Variants in CLDN10 observed in about 807,000 individuals in gnomAD.
The protein encoded by CLDN10 is claudin 10, also known as claudin-10.
CLDN10 carries 15 observed loss-of-function variants against 22.9 expected under a neutral mutation model. The ratio of observed to expected loss-of-function variants is 0.65; its 90% confidence interval spans 0.44 to 1.01. The LOEUF (loss-of-function observed/expected upper bound fraction) is 1.01, where lower values mean the gene tolerates loss of function less well. CLDN10 is among the 50% of genes least tolerant of loss of function. The pLI is 0.00. For missense variants in CLDN10, 247 were observed against 287.8 expected (o/e 0.86, Z 1.03); for synonymous variants, 114 against 111.4 (o/e 1.02, Z -0.15).
Position 95,521,750 on chromosome 13 carries a change from G to A in CLDN10, c.215-38382G>A, listed in dbSNP as rs377729648. 4.6e-5 allele frequency among the ~76,000 whole-genome samples: 7 copies of A among 151,860 alleles called. No homozygotes were observed. The East Asian group carries it at 1.2e-3, about 25-fold the overall frequency. On this transcript the variant is annotated intron_variant, in intron 1 of 4. Coordinates refer to the CLDN10 transcript ENST00000376873. ...GATGTTATTTCTTCTTTAAATATTT[G>A]GTAGTTCTTACCAGTAAACCCATCT...
intron 1 of CLDN10, among the ~76,000 whole-genome samples, chr13:95,547,380 G>T (rs866447148): frequency 6.6e-6 from 1 of 151,962 alleles, no homozygotes; most frequent in African/African-American, 2.4e-5. Context: ...TTTGAGATTT[G>T]CAATACACTT....
chr13:95,552,137 A>G (rs181248107), upstream of CLDN10, among the ~76,000 whole-genome samples: 188 of 152,386 alleles, frequency 1.2e-3, no homozygotes, highest in Middle Eastern at 6.8e-3. Flanking sequence ...CACCAGGCCA[A>G]AAAGAACTGC....
At chr13:95,519,593 T>A (rs2043204560) in intron 1 of CLDN10, among the ~76,000 whole-genome samples, 1 of 152,170 alleles carries the variant, frequency 6.6e-6, no homozygotes, top group Non-Finnish European at 1.5e-5. Context: ...GTGAAGAAAT[T>A]TTCACAATGC....
At chr13:95,532,617 C>A (rs2043355888) in intron 1 of CLDN10, among the ~76,000 whole-genome samples, 1 of 151,816 alleles carries the variant, frequency 6.6e-6, no homozygotes, top group African/African-American at 2.4e-5. Context: ...CTTACCCTCC[C>A]ACCCAGTAAT....
At chr13:95,471,522 C>T (rs1377035056) in intron 1 of CLDN10, among the ~76,000 whole-genome samples, 1 of 144,964 alleles carries the variant, frequency 6.9e-6, no homozygotes, top group African/African-American at 2.6e-5. Context: ...GTGTGATCTT[C>T]GCTCACTGCA....
chr13:95,538,717 C>T (rs2043427429), intron 1 of CLDN10, among the ~76,000 whole-genome samples: 1 of 152,134 alleles, frequency 6.6e-6, no homozygotes, highest in Non-Finnish European at 1.5e-5. Flanking sequence ...ATTTCTGAGG[C>T]CATGACTCCT....
Position 95,460,450 on chromosome 13 carries a change from G to T in CLDN10, c.214+26403G>T, listed in dbSNP as rs186216912. ...ACTCATGGTTCCTGTGGCTGGGAAG[G>T]CCTCAGCAAACTTACAATCATGGTA... is the stretch of plus-strand genomic sequence containing the variant. On this transcript the variant is annotated intron_variant, in intron 1 of 4. Transcript: ENST00000376873. Among the ~76,000 whole-genome samples, 270 of 152,266 alleles carry T rather than the reference G, an allele frequency of 1.8e-3. 4 individuals are homozygous for T. In the South Asian group the frequency reaches 0.024, roughly 13 times the overall value.
intron 1 of CLDN10, among the ~76,000 whole-genome samples, chr13:95,473,183 T>C (rs866763158): frequency 1.4e-5 from 2 of 144,280 alleles, no homozygotes; most frequent in South Asian, 2.2e-4. Flanking sequence ...GAATCAAGGG[T>C]CTCTCTTTGG....
At chr13:95,489,160 G>A (rs2042841770) in intron 1 of CLDN10, among the ~76,000 whole-genome samples, 1 of 151,814 alleles carries the variant, frequency 6.6e-6, no homozygotes, top group Non-Finnish European at 1.5e-5. Context: ...TGTTGGCCAG[G>A]CTTGTCTTGA....
At chr13:95,496,907 G>T (rs1048013110) in intron 1 of CLDN10, among the ~76,000 whole-genome samples, 2 of 152,046 alleles carry the variant, frequency 1.3e-5, no homozygotes, top group African/African-American at 4.8e-5. Context: ...TGCACATAGG[G>T]ACACACAAAC....
chr13:95,455,062 A>T (rs1014219917), intron 1 of CLDN10, among the ~76,000 whole-genome samples: 1 of 152,276 alleles, frequency 6.6e-6, no homozygotes, highest in African/African-American at 2.4e-5. Context: ...CTGTAATCCC[A>T]GCTACTCTGG....
At chr13:95,515,367 T>G (rs2043153030) in intron 1 of CLDN10, among the ~76,000 whole-genome samples, 1 of 152,108 alleles carries the variant, frequency 6.6e-6, no homozygotes, top group Admixed American at 6.6e-5. Context: ...CCCGGCTAAT[T>G]TTTTGTATTT....
At chr13:95,543,949 A>G (rs1041835532) in intron 1 of CLDN10, among the ~76,000 whole-genome samples, 4 of 152,142 alleles carry the variant, frequency 2.6e-5, no homozygotes, top group African/African-American at 9.6e-5. Flanking sequence ...TTCCTTCTTC[A>G]TGTAAGAAGA....
chr13:95,512,002 C>G (rs1314276629), intron 1 of CLDN10, among the ~76,000 whole-genome samples: 1 of 131,662 alleles, frequency 7.6e-6, no homozygotes, highest in Non-Finnish European at 1.7e-5. Flanking sequence ...CCCCCCTCTC[C>G]CCCCACCCCA....
At chr13:95,444,478 G>C (rs2042353330) in intron 1 of CLDN10, among the ~76,000 whole-genome samples, 1 of 152,196 alleles carries the variant, frequency 6.6e-6, no homozygotes, top group Admixed American at 6.6e-5. Context: ...CAGGACAGGG[G>C]CAGTTCTTCA....
At chr13:95,435,192 C>T (rs528533333) in intron 1 of CLDN10, among the ~76,000 whole-genome samples, 149 of 152,274 alleles carry the variant, frequency 9.8e-4, no homozygotes, top group African/African-American at 3.4e-3. Context: ...TTACTATCTG[C>T]CTCTGCTTTC....
At chr13:95,443,379 C>T (rs2042342585) in intron 1 of CLDN10, among the ~76,000 whole-genome samples, 1 of 152,114 alleles carries the variant, frequency 6.6e-6, no homozygotes, top group Non-Finnish European at 1.5e-5. Context: ...CGTAGACTAA[C>T]CTGTGTTTAA....
chr13:95,547,276 T>A (rs2043519888), intron 1 of CLDN10, among the ~76,000 whole-genome samples: 1 of 152,118 alleles, frequency 6.6e-6, no homozygotes, highest in Non-Finnish European at 1.5e-5. Flanking sequence ...GACTATCCTC[T>A]GCTCTGACTT....
At chr13:95,490,910 T>C (rs1386423299) in intron 1 of CLDN10, among the ~76,000 whole-genome samples, 1 of 152,226 alleles carries the variant, frequency 6.6e-6, no homozygotes, top group Non-Finnish European at 1.5e-5. Flanking sequence ...TTAGGTCTAA[T>C]AGTAATTGTT....
Sources: allele counts gnomAD v4.1 joint callset (sites outside exome capture counted in the v4.1 genomes callset), GRCh38; gene constraint gnomAD v4.1.1; transcripts MANE v1.5; gene names NCBI Gene and HGNC (gene_info 2026-07-23, HGNC 2026-07-21).